FAM227B: variants seen among roughly 807,000 people sequenced by gnomAD.
FAM227B encodes the protein protein FAM227B.
Under a neutral mutation model 73.8 loss-of-function variants are expected in FAM227B, and 88 were observed. That is an observed-to-expected ratio of 1.19 (90% CI 1.00 to 1.42). FAM227B has a LOEUF of 1.42. FAM227B is among the 40% of genes most tolerant of loss of function. The pLI is 0.00. For missense variants in FAM227B, 632 were observed against 590.9 expected, an observed-to-expected ratio of 1.07 and a Z score of -0.72; for synonymous variants, 210 against 190.5, an observed-to-expected ratio of 1.10 and a Z score of -0.84.
chr15:49,494,784 T>A (rs532125835), intron 11 of FAM227B, among the ~76,000 whole-genome samples: 10 of 152,296 alleles, frequency 6.6e-5, no homozygotes, highest in African/African-American at 2.4e-4. Flanking sequence ...GAGCAGCTGT[T>A]AAGCACTCAG....
chr15:49,339,788 T>A (rs968842033), intron 13 of FAM227B, among the ~76,000 whole-genome samples: 1 of 152,226 alleles, frequency 6.6e-6, no homozygotes, highest in Non-Finnish European at 1.5e-5. Context: ...AGTCCCTGAT[T>A]GGGGCTGGTG....
At chr15:49,427,705 A>C (rs1372946680) in intron 11 of FAM227B, among the ~76,000 whole-genome samples, 2 of 152,026 alleles carry the variant, frequency 1.3e-5, no homozygotes, top group Non-Finnish European at 2.9e-5. Flanking sequence ...CACCAGCAGA[A>C]GCAATGCTTC....
intron 11 of FAM227B, among the ~76,000 whole-genome samples, chr15:49,455,990 A>G (rs2053248617): frequency 6.6e-6 from 1 of 152,108 alleles, no homozygotes; most frequent in South Asian, 2.1e-4. Context: ...AGAGCTTTCT[A>G]TTGACATAAA....
At chr15:49,549,816 C>T (rs926721139) in intron 9 of FAM227B, among the ~76,000 whole-genome samples, 7 of 152,160 alleles carry the variant, frequency 4.6e-5, no homozygotes, top group East Asian at 1.9e-4. Flanking sequence ...TCATGGCCCG[C>T]TCTCAATGAG....
intron 11 of FAM227B, among the ~76,000 whole-genome samples, chr15:49,427,257 G>C (rs2050208544): frequency 6.6e-6 from 1 of 151,994 alleles, no homozygotes. Context: ...ATGGAAACTT[G>C]AAATTATGAC....
chr15:49,559,806 G>T (rs964197569), intron 9 of FAM227B, among the ~76,000 whole-genome samples: 1 of 151,978 alleles, frequency 6.6e-6, no homozygotes, highest in Non-Finnish European at 1.5e-5. Context: ...GTGGTGGCAC[G>T]TGCCTGTAAT....
At chr15:49,503,334 C>T (rs1052158504) in intron 11 of FAM227B, among the ~76,000 whole-genome samples, 2 of 152,088 alleles carry the variant, frequency 1.3e-5, no homozygotes, top group African/African-American at 4.8e-5. Context: ...AGAAGAAAAC[C>T]TAGGCAATAT....
At chr15:49,432,974 T>C (rs1391599880) in intron 11 of FAM227B, among the ~76,000 whole-genome samples, 1 of 151,652 alleles carries the variant, frequency 6.6e-6, no homozygotes, top group Non-Finnish European at 1.5e-5. Context: ...AAATTCTTAC[T>C]GTATATATCT....
intron 10 of FAM227B, among the ~76,000 whole-genome samples, chr15:49,534,223 A>G (rs1263523321): frequency 1.3e-5 from 2 of 151,848 alleles, no homozygotes; most frequent in Admixed American, 1.3e-4. Context: ...GGTAGAGCCC[A>G]AATGATTCAG....
chr15:49,368,961 T>C (rs980170883), intron 12 of FAM227B, among the ~76,000 whole-genome samples: 6 of 151,624 alleles, frequency 4.0e-5, no homozygotes, highest in Non-Finnish European at 8.8e-5. Flanking sequence ...TGTTTTGTTT[T>C]TGTTTGTTTG....
intron 11 of FAM227B, among the ~76,000 whole-genome samples, chr15:49,423,759 G>A (rs147217645): frequency 3.3e-5 from 5 of 152,232 alleles, no homozygotes; most frequent in Non-Finnish European, 7.4e-5. Context: ...TAAATCAATA[G>A]TTCTGAGTGC....
intron 11 of FAM227B, among the ~76,000 whole-genome samples, chr15:49,500,759 G>T (rs566614619): frequency 6.6e-6 from 1 of 152,262 alleles, no homozygotes; most frequent in Admixed American, 6.5e-5. Context: ...CCCCAATGTT[G>T]GATGTGGGGC....
At chr15:49,430,413 A>C (rs997069769) in intron 11 of FAM227B, among the ~76,000 whole-genome samples, 4 of 151,946 alleles carry the variant, frequency 2.6e-5, no homozygotes, top group Middle Eastern at 3.4e-3. Flanking sequence ...TCATGGCCAC[A>C]CAACCAAGTT....
At position 49,549,679 on chromosome 15, in the gene FAM227B, C is replaced by T. The variant is rs1323645854; in HGVS notation, c.748-7873G>A. On this transcript the variant is annotated intron_variant, in intron 9 of 15. Coordinates refer to ENST00000299338, the MANE Select transcript of FAM227B (RefSeq NM_152647.3). ...ACAGATCAACAGGATAAGAATTTTT[C>T]TTAGTACAGAACAAAATGAAAAGTC... Among the ~76,000 whole-genome samples the T allele has an allele frequency of 1.3e-5, 2 of 152,028 alleles. 1 individual carries two copies. Among genetic ancestry groups the T allele is most frequent in the Admixed American group, 1.3e-4 (2 of 15,244 alleles).
At chr15:49,549,987 CGGGGCGGCTGGCCGGGCAG>C (rs1369019413) in intron 9 of FAM227B, among the ~76,000 whole-genome samples, 26 of 113,852 alleles carry the variant, frequency 2.3e-4, no homozygotes, top group African/African-American at 6.5e-4. Flanking sequence ...CCCTCCCAGA[CGGGGCGGCTGGCCGGGCAG>C]GGGGCTGACC....
chr15:49,499,654 A>G (rs557977813), intron 11 of FAM227B, among the ~76,000 whole-genome samples: 2 of 152,342 alleles, frequency 1.3e-5, no homozygotes, highest in Admixed American at 1.3e-4. Flanking sequence ...GATACATTAT[A>G]AAACTACAGT....
At position 49,541,360 on chromosome 15, in the gene FAM227B, T is replaced by C. The variant is rs139987769; in HGVS notation, c.874+320A>G. On this transcript the variant is annotated intron_variant, in intron 10 of 15. Coordinates refer to ENST00000299338, the MANE Select transcript of FAM227B (RefSeq NM_152647.3). ...TTATTCGCTAATTAAATATAAGTAGTATTCTAAAAGCAGTTTAAAACATGT... is the reference window on the plus strand; with the variant it reads ...TTATTCGCTAATTAAATATAAGTAGCATTCTAAAAGCAGTTTAAAACATGT... Among the ~76,000 whole-genome samples, 1,026 of 152,226 alleles carry C rather than the reference T, an allele frequency of 6.7e-3. 10 individuals carry two copies. Among genetic ancestry groups the C allele is most frequent in the African/African-American group, 0.024 (985 of 41,568 alleles).
At chr15:49,480,173 A>T (rs2055798712) in intron 11 of FAM227B, among the ~76,000 whole-genome samples, 1 of 152,212 alleles carries the variant, frequency 6.6e-6, no homozygotes, top group Admixed American at 6.5e-5. Context: ...TATTTTTTAA[A>T]TATGTCAAGC....
chr15:49,506,299 CTTTAT>C (rs1367961507), intron 11 of FAM227B, among the ~76,000 whole-genome samples: 1 of 151,932 alleles, frequency 6.6e-6, no homozygotes, highest in Non-Finnish European at 1.5e-5. Flanking sequence ...GTCACATATT[CTTTAT>C]TTTGTTTTAC....
Sources: gnomAD v4.1 joint callset for allele counts (sites outside exome capture counted in the v4.1 genomes callset) on GRCh38, gnomAD v4.1.1 for gene constraint, MANE v1.5 for transcripts, NCBI Gene and HGNC (gene_info 2026-07-23, HGNC 2026-07-21) for gene names.